DOT1L: variants seen among roughly 807,000 people sequenced by gnomAD.
The protein encoded by DOT1L is histone-lysine N-methyltransferase, H3 lysine-79 specific.
DOT1L carries 33 observed loss-of-function variants against 153.3 expected under a neutral mutation model. The ratio of observed to expected loss-of-function variants is 0.22; its 90% CI spans 0.16 to 0.29. The LOEUF (loss-of-function observed/expected upper bound fraction) is 0.29, where lower values mean the gene tolerates loss of function less well. Ranked by LOEUF, DOT1L falls within the 10% of genes least tolerant of loss-of-function variation. DOT1L has a pLI of 1.00. For missense variants in DOT1L, 1,847 were observed against 2,119.9 expected (o/e 0.87, Z 2.53); for synonymous variants, 1,135 against 965.1 (o/e 1.18, Z -3.26).
rs2023073627 is a variant in DOT1L at position 2,197,514 on chromosome 19, C to T, written c.652-2370C>T. Among the ~76,000 whole-genome samples, 1 of 152,206 alleles carries T rather than the reference C, an allele frequency of 6.6e-6. No individual in the cohort carries two copies. Among genetic ancestry groups the T allele is most frequent in the Non-Finnish European group, 1.5e-5 (1 of 68,032 alleles). ...TGGGGCTGCCGCAGCACTGCTCCCC[C>T]TTCTGCCTCATCTTGTCAGCGTCTG... On this transcript the variant is annotated intron_variant, in intron 7 of 27. Transcript: ENST00000398665. The surrounding 1 kb of genome is among the most constrained non-coding windows in gnomAD (Gnocchi z 4.1).
intron 2 of DOT1L, among the ~76,000 whole-genome samples, chr19:2,184,908 G>A (rs2022420372): frequency 6.6e-6 from 1 of 152,182 alleles, no homozygotes; most frequent in Admixed American, 6.5e-5. Context: ...TGTTGGTCAG[G>A]GATGTTGGTC....
intron 27 of DOT1L, 59 bp from the exon 28 acceptor site, chr19:2,229,726 G>T: frequency 6.2e-7 from 1 of 1,611,360 alleles, no homozygotes. Context: ...GGTGAGTGTT[G>T]GGCTCCCCCA....
Position 2,220,565 on chromosome 19 carries a change from A to C in DOT1L, c.2806+343A>C. 2 of 478,344 alleles carry C rather than the reference A, an allele frequency of 4.2e-6. No homozygotes were observed. Among genetic ancestry groups the C allele is most frequent in the Non-Finnish European group, 8.3e-6 (2 of 241,310 alleles). 29.6% of individuals were successfully genotyped at this position (478,344 alleles called of 1,614,324 possible). A position where few individuals can be genotyped will look rare whatever the true frequency, so the allele number is the denominator to read the frequency against. On this transcript the variant is annotated intron_variant, in intron 23 of 27. Coordinates refer to ENST00000398665, the MANE Select transcript of DOT1L (RefSeq NM_032482.3). This position sits in a 1 kb window ranked among gnomAD's most constrained non-coding sequence, Gnocchi z 4.5. ...CTGACTCAGGATCGGCTCCACACACAGCAGTGCCCAATGGCACACGACCGT... is the reference window on the plus strand; with the variant it reads ...CTGACTCAGGATCGGCTCCACACACCGCAGTGCCCAATGGCACACGACCGT...
chr19:2,197,163 G>C lies in DOT1L; in HGVS notation c.651+2586G>C, dbSNP rs148671036. On this transcript the variant is annotated intron_variant, in intron 7 of 27. Transcript: ENST00000398665. The surrounding 1 kb of genome is among the most constrained non-coding windows in gnomAD (Gnocchi z 4.1). ...TTTGGTCTCTGGGTGGCGCTCCCTC[G>C]GCTTCTGTTCTGCTGTCTTTGACCA... Among the ~76,000 whole-genome samples, 2 of 152,298 alleles carry C rather than the reference G, an allele frequency of 1.3e-5. No homozygotes were observed. The highest frequency in any genetic ancestry group is 4.8e-5 in the African/African-American group (2 of 41,544).
rs78566095 is a variant in DOT1L, at chr19:2,220,721, G to A, written c.2806+499G>A. 2.8e-6 allele frequency: 1 copy of A among 357,594 alleles called. No homozygotes were observed. Among genetic ancestry groups the A allele is most frequent in the Non-Finnish European group, 5.6e-6 (1 of 179,796 alleles). The allele number at this position is 357,594 out of a possible 1,614,324, so 22.2% of individuals were successfully genotyped here. ...ACTTTGGCTTTTGTTGACACTGCAG[G>A]CCTGTCTGTTGTGGAAGCCGCAGAG... On this transcript the variant is annotated intron_variant, in intron 23 of 27. Coordinates refer to ENST00000398665, the MANE Select transcript of DOT1L (RefSeq NM_032482.3). This position sits in a 1 kb window ranked among gnomAD's most constrained non-coding sequence, Gnocchi z 4.5.
chr19:2,200,411 C>G (rs556326556), intron 8 of DOT1L, among the ~76,000 whole-genome samples: 2 of 152,320 alleles, frequency 1.3e-5, no homozygotes, highest in South Asian at 2.1e-4. Flanking sequence ...ACCTCGCACC[C>G]AGGCCTGGGA....
Position 2,208,865 on chromosome 19 carries a change from T to G in DOT1L, c.964-70T>G. 2 of 1,533,324 alleles carry G rather than the reference T, an allele frequency of 1.3e-6. No homozygotes were observed. Among genetic ancestry groups the G allele is most frequent in the East Asian group, 2.3e-5 (1 of 43,692 alleles). 95.0% of individuals were successfully genotyped at this position (1,533,324 alleles called of 1,614,324 possible). A position where few individuals can be genotyped will look rare whatever the true frequency, so the allele number is the denominator to read the frequency against. Reference sequence around the variant, plus strand: ...CACTGTCCAGGTTGCTGTTGTTACCTGGGTGTCCAGACAAATCCGAACAGA... The same window carrying G: ...CACTGTCCAGGTTGCTGTTGTTACCGGGGTGTCCAGACAAATCCGAACAGA... On this transcript the variant is annotated intron_variant, in intron 11 of 27. Coordinates refer to ENST00000398665, the MANE Select transcript of DOT1L (RefSeq NM_032482.3). The surrounding 1 kb of genome is among the most constrained non-coding windows in gnomAD (Gnocchi z 4.4).
At chr19:2,209,114 C>T in intron 12 of DOT1L, 138 bp downstream of exon 12, 6 of 879,494 alleles carry the variant, frequency 6.8e-6, no homozygotes, top group Non-Finnish European at 1.0e-5. Context: ...GCCCTGTGCC[C>T]TTTCCCGCCT....
In DOT1L at chr19:2,227,237, C is replaced by T. The variant is rs758308305; in HGVS notation, c.4606+110C>T. ...TGCAGCAGGAGCTGAGCTGCAGGTCCCCTGGTGCCGGCCGGCCCCCGCCAT... is the reference window on the plus strand; with the variant it reads ...TGCAGCAGGAGCTGAGCTGCAGGTCTCCTGGTGCCGGCCGGCCCCCGCCAT... On this transcript the variant is annotated intron_variant, in intron 27 of 27. Coordinates refer to ENST00000398665, the MANE Select transcript of DOT1L (RefSeq NM_032482.3). The T allele has an allele frequency of 3.6e-6, 5 of 1,403,132 alleles. No individual in the cohort carries two copies. In the African/African-American group the frequency reaches 4.2e-5, roughly 12 times the overall value. 86.9% of individuals were successfully genotyped at this position (1,403,132 alleles called of 1,614,324 possible). A position where few individuals can be genotyped will look rare whatever the true frequency, so the allele number is the denominator to read the frequency against.
Position 2,226,901 on chromosome 19 carries a change from G to T in DOT1L, c.4380G>T (p.Thr1460=), listed in dbSNP as rs765562071. Residue 1460 remains threonine (T), a synonymous_variant, in exon 27 of 28, where the codon ACG becomes ACT. Coordinates refer to ENST00000398665, the MANE Select transcript of DOT1L (RefSeq NM_032482.3). ...GCGGCGCGGCGTCCTCCGCCCAGAC[G>T]CACCGGTCCTTCCTGGGCCCCTTCC... ...SAGGAASSAQ[T]HRSFLGPFPP... 6.7e-5 allele frequency: 106 copies of T among 1,577,722 alleles called. No homozygotes were observed. Among genetic ancestry groups the T allele is most frequent in the Non-Finnish European group, 8.6e-5 (101 of 1,170,870 alleles).
chr19:2,220,219 G>T lies in DOT1L; in HGVS notation c.2803G>T (p.Ala935Ser). The T allele has an allele frequency of 6.2e-7, 1 of 1,612,158 alleles. No individual in the cohort carries two copies. Among genetic ancestry groups the T allele is most frequent in the East Asian group, 2.2e-5 (1 of 44,830 alleles). ...GAGCAGAAGCCTTGCCCTGGCCCCCGCAGGTAACGCCCCTCCTGTGCCCTA... is the reference window on the plus strand; with the variant it reads ...GAGCAGAAGCCTTGCCCTGGCCCCCTCAGGTAACGCCCCTCCTGTGCCCTA... ...AGSRSLALAP[A>S]GFSYAGSVAI... The change falls in exon 23 of 28, where the codon GCA becomes TCA. Residue 935 changes from alanine to serine, a missense_variant. By Grantham distance (99) the Ala-to-Ser change is moderately conservative. Around this residue, in one of 8 missense-constraint regions of DOT1L, gnomAD observed 68 missense variants for 80.7 expected, o/e 0.84. Transcript: ENST00000398665. This position sits in a 1 kb window ranked among gnomAD's most constrained non-coding sequence, Gnocchi z 4.5.
In DOT1L at chr19:2,208,989, G is replaced by T. The variant is rs1179298021; in HGVS notation, c.1005+13G>T. 3 of 1,612,030 alleles carry T rather than the reference G, an allele frequency of 1.9e-6. No homozygotes were observed. Among genetic ancestry groups the T allele is most frequent in the Non-Finnish European group, 2.5e-6 (3 of 1,179,214 alleles). On this transcript the variant is annotated intron_variant, in intron 12 of 27. Transcript: ENST00000398665. The surrounding 1 kb of genome is among the most constrained non-coding windows in gnomAD (Gnocchi z 4.4). Reference sequence around the variant, plus strand: ...CCCAAAACTCAGGGTAAGTTTGTGTGTTTTTTCTCTTGGGTTAATAACACG... The same window carrying T: ...CCCAAAACTCAGGGTAAGTTTGTGTTTTTTTTCTCTTGGGTTAATAACACG...
In DOT1L at chr19:2,222,373, C is replaced by T. The variant is rs201646049; in HGVS notation, c.3204C>T (p.Thr1068=). 6.2e-4 allele frequency: 993 copies of T among 1,611,522 alleles called. 2 individuals are homozygous for T. Among genetic ancestry groups the T allele is most frequent in the Non-Finnish European group, 5.8e-4 (683 of 1,179,412 alleles). Residue 1068 remains threonine (T), a synonymous_variant, in exon 24 of 28, where the codon ACC becomes ACT. Transcript: ENST00000398665. The surrounding 1 kb of genome is among the most constrained non-coding windows in gnomAD (Gnocchi z 6.5). ...QSPSSKHSPL[T]ASARGDCVPS... ...CCTCCAGCAAGCACAGCCCCCTGAC[C>T]GCCAGCGCCCGTGGGGACTGTGTGC...
chr19:2,225,689 C>T (rs1039198423), intron 26 of DOT1L, among the ~76,000 whole-genome samples: 18 of 152,170 alleles, frequency 1.2e-4, no homozygotes, highest in Admixed American at 3.9e-4. Context: ...CCAGGGCCTC[C>T]GCGCACACGC....
Position 2,191,634 on chromosome 19 carries a change from C to G in DOT1L, c.493+394C>G, listed in dbSNP as rs1380697284. 1.3e-5 allele frequency among the ~76,000 whole-genome samples: 2 copies of G among 152,172 alleles called. No homozygotes were observed. Among genetic ancestry groups the G allele is most frequent in the African/African-American group, 2.4e-5 (1 of 41,438 alleles). On this transcript the variant is annotated intron_variant, in intron 5 of 27. Coordinates refer to ENST00000398665, the MANE Select transcript of DOT1L (RefSeq NM_032482.3). The surrounding 1 kb of genome is among the most constrained non-coding windows in gnomAD (Gnocchi z 6.8). Reference sequence around the variant, plus strand: ...GGCTGCAGCCTGCCGCAGTCCTTCCCTGGGCACACCTGCTCCCTCCACAGC... The same window carrying G: ...GGCTGCAGCCTGCCGCAGTCCTTCCGTGGGCACACCTGCTCCCTCCACAGC...
At chr19:2,185,677 GA>G (rs1376406903) in intron 2 of DOT1L, among the ~76,000 whole-genome samples, 177 bp from the exon 3 acceptor site, 1 of 152,176 alleles carries the variant, frequency 6.6e-6, no homozygotes, top group Non-Finnish European at 1.5e-5. Flanking sequence ...GCTGAGGCAG[GA>G]GAATCGCTTG....
At chr19:2,165,982 G>A (rs1361578423) in intron 1 of DOT1L, among the ~76,000 whole-genome samples, 2 of 152,048 alleles carry the variant, frequency 1.3e-5, no homozygotes, top group African/African-American at 4.8e-5. Context: ...GTGTTAGCCA[G>A]GATGGTCTCG....
intron 8 of DOT1L, among the ~76,000 whole-genome samples, 164 bp downstream of exon 8, chr19:2,200,103 C>T (rs1052527128): frequency 9.9e-5 from 15 of 152,102 alleles, no homozygotes; most frequent in Non-Finnish European, 2.2e-4. Flanking sequence ...GCTGGGTCTC[C>T]CTCTGCGGGC....
At chr19:2,206,601 A>G (rs2023505111) in intron 9 of DOT1L, 128 bp from the exon 10 acceptor site, 1 of 788,218 alleles carries the variant, frequency 1.3e-6, no homozygotes, top group Non-Finnish European at 2.2e-6. Context: ...GCTTGTAGGC[A>G]GGTGGACAGG....
Sources: gnomAD v4.1 joint callset for allele counts (sites outside exome capture counted in the v4.1 genomes callset) on GRCh38, gnomAD v4.1.1 for gene constraint, gnomAD v4.1.1 regional missense constraint, Gnocchi (gnomAD v3.1) non-coding constraint, MANE v1.5 for transcripts, NCBI Gene and HGNC (gene_info 2026-07-23, HGNC 2026-07-21) for gene names.